APC: variants seen among roughly 807,000 people sequenced by gnomAD.
APC encodes adenomatous polyposis coli protein.
A neutral mutation model predicts 247.0 loss-of-function variants in APC; 72 were observed. That is an observed-to-expected ratio of 0.29 (90% CI 0.24 to 0.35). The LOEUF is 0.35. APC is among the 10% of genes least tolerant of loss of function. The pLI is 1.00. For synonymous variants in APC, 1,254 were observed against 1,162.5 expected (o/e 1.08, Z -1.60); for missense variants, 3,400 against 3,360.7 (o/e 1.01, Z -0.29).
intron 1 of APC, among the ~76,000 whole-genome samples, chr5:112,727,400 C>A (rs1401797972): frequency 6.6e-6 from 1 of 152,170 alleles, no homozygotes; most frequent in Admixed American, 6.5e-5. Flanking sequence ...TATATTTTCT[C>A]TTTCAAGGTA....
chr5:112,833,429 C>T (rs1326126195), intron 14 of APC, among the ~76,000 whole-genome samples: 1 of 151,712 alleles, frequency 6.6e-6, no homozygotes, highest in Non-Finnish European at 1.5e-5. Flanking sequence ...GATCCGTGCA[C>T]CTTGGCCCCT....
chr5:112,763,270 C>T (rs538878695), intron 2 of APC, among the ~76,000 whole-genome samples: 1 of 151,710 alleles, frequency 6.6e-6, no homozygotes, highest in South Asian at 2.1e-4. Flanking sequence ...ATCCCATCAC[C>T]AGAGGTAAAA....
chr5:112,793,340 C>G (rs959512398), intron 7 of APC, among the ~76,000 whole-genome samples: 2 of 152,032 alleles, frequency 1.3e-5, no homozygotes, highest in African/African-American at 2.4e-5. Context: ...TGCTGAAACC[C>G]CCACTGGCAT....
chr5:112,730,204 A>G (rs1561411852), intron 1 of APC, among the ~76,000 whole-genome samples: 2 of 152,252 alleles, frequency 1.3e-5, no homozygotes, highest in East Asian at 3.8e-4. Context: ...TATTCTGATT[A>G]TAATAAATCC....
intron 1 of APC, among the ~76,000 whole-genome samples, chr5:112,722,360 A>G (rs1031395329): frequency 6.6e-6 from 1 of 152,244 alleles, no homozygotes; most frequent in Non-Finnish European, 1.5e-5. Context: ...ATAGTAAAAG[A>G]CATCTGTGTC....
chr5:112,801,722 C>G (rs903843147), intron 8 of APC, among the ~76,000 whole-genome samples: 1 of 151,682 alleles, frequency 6.6e-6, no homozygotes, highest in Non-Finnish European at 1.5e-5. Context: ...TAGGTTTGCT[C>G]TTTCACTAAG....
At position 112,839,247 on chromosome 5, in the gene APC, C is replaced by T. The variant is rs377640390; in HGVS notation, c.3653C>T (p.Thr1218Met). 4.8e-5 allele frequency: 78 copies of T among 1,613,998 alleles called. 1 individual carries two copies. The highest frequency in any genetic ancestry group is 1.6e-4 in the Middle Eastern group (1 of 6,084). Residue 1218 changes from threonine to methionine, a missense_variant, in exon 16 of 16, where the codon ACG becomes ATG. This residue lies in a region of APC where 715 missense variants were observed against 656.6 expected (regional missense o/e 1.09). Coordinates refer to ENST00000257430, the MANE Select transcript of APC (RefSeq NM_000038.6). The surrounding 1 kb of genome is among the most constrained non-coding windows in gnomAD (Gnocchi z 5.0). ...CATATGTCTTCAAGCAGTGAGAATACGTCCACACCTTCATCTAATGCCAAG... is the reference window on the plus strand; with the variant it reads ...CATATGTCTTCAAGCAGTGAGAATATGTCCACACCTTCATCTAATGCCAAG... ...TEHMSSSSEN[T>M]STPSSNAKRQ... is the part of the protein sequence containing the mutation.
chr5:112,761,175 ACT>A (rs1755626586), intron 2 of APC, among the ~76,000 whole-genome samples: 1 of 152,076 alleles, frequency 6.6e-6, no homozygotes, highest in Admixed American at 6.6e-5. Context: ...GAAAAGGCAG[ACT>A]CTCTAGAGGA....
intron 8 of APC, among the ~76,000 whole-genome samples, chr5:112,805,793 C>T (rs1356653688): frequency 6.6e-6 from 1 of 152,192 alleles, no homozygotes; most frequent in East Asian, 1.9e-4. Context: ...CATGCTCTGC[C>T]AAAGTTCTGT....
intron 4 of APC, among the ~76,000 whole-genome samples, chr5:112,772,516 CTT>C (rs35444319): frequency 3.8e-4 from 53 of 138,238 alleles, no homozygotes; most frequent in Admixed American, 5.9e-4. Flanking sequence ...ATGCCCAGCT[CTT>C]TTTTTTTTTT....
At position 112,838,086 on chromosome 5, in the gene APC, T is replaced by C. The variant is rs878853427; in HGVS notation, c.2492T>C (p.Leu831Ser). The change falls in exon 16 of 16, where the codon TTA becomes TCA. Residue 831 changes from leucine to serine, a missense_variant. Leu to Ser is a moderately radical substitution (Grantham distance 145). This residue lies in a region of APC where 715 missense variants were observed against 656.6 expected (regional missense o/e 1.09). Transcript: ENST00000257430. Reference protein sequence around the residue: ...VLSPYLNTTVLPSSSSSRGSL... With the variant: ...VLSPYLNTTVSPSSSSSRGSL... ...TCACCATATTTGAATACTACAGTGT[T>C]ACCCAGCTCCTCTTCATCAAGAGGA... 3 of 1,614,224 alleles carry C rather than the reference T, an allele frequency of 1.9e-6. No individual in the cohort carries two copies. Among genetic ancestry groups the C allele is most frequent in the Non-Finnish European group, 2.5e-6 (3 of 1,180,044 alleles).
chr5:112,816,229 A>G (rs1052718803), intron 9 of APC, among the ~76,000 whole-genome samples: 35 of 152,312 alleles, frequency 2.3e-4, no homozygotes, highest in African/African-American at 7.7e-4. Flanking sequence ...CTGATTCCCA[A>G]GGTCCTCTTA....
chr5:112,780,692 C>A, intron 5 of APC, 98 bp from the exon 6 acceptor site: 1 of 834,614 alleles, frequency 1.2e-6, no homozygotes, highest in Non-Finnish European at 2.0e-6. Context: ...GACGTATTTG[C>A]TTATTCATTT....
At chr5:112,801,463 T>A in intron 8 of APC, 80 bp downstream of exon 8, 1 of 1,061,684 alleles carries the variant, frequency 9.4e-7, no homozygotes, top group Non-Finnish European at 1.4e-6. Context: ...CTAAGAATGA[T>A]CTATAAATCT....
intron 7 of APC, among the ~76,000 whole-genome samples, chr5:112,792,854 A>G (rs1759784680): frequency 6.6e-6 from 1 of 152,164 alleles, no homozygotes; most frequent in African/African-American, 2.4e-5. Context: ...GTAAGAATTG[A>G]TAATACACAT....
rs755662904 is a variant in APC at position 112,818,915 on chromosome 5, C to G, written c.934-51C>G. 3.4e-6 allele frequency: 5 copies of G among 1,481,050 alleles called. No individual in the cohort carries two copies. The African/African-American group carries it at 7.2e-5, about 21-fold the overall frequency. The allele number at this position is 1,481,050 out of a possible 1,614,324, so 91.7% of individuals were successfully genotyped here. ...CATTCATCACTTAATTGGTTTTTGG[C>G]TTTTGGATATTAAAGTCGTAATTTT... On this transcript the variant is annotated intron_variant, in intron 9 of 15. Coordinates refer to ENST00000257430, the MANE Select transcript of APC (RefSeq NM_000038.6).
chr5:112,821,014 C>A (rs1470999051), intron 10 of APC, among the ~76,000 whole-genome samples: 1 of 151,772 alleles, frequency 6.6e-6, no homozygotes, highest in Non-Finnish European at 1.5e-5. Flanking sequence ...CAAGCATGTG[C>A]CACCACAACT....
chr5:112,716,172 G>A (rs1303098287), intron 1 of APC, among the ~76,000 whole-genome samples: 1 of 151,922 alleles, frequency 6.6e-6, no homozygotes, highest in Non-Finnish European at 1.5e-5. Flanking sequence ...TGAATTTTCA[G>A]CATTTCTTGT....
In APC at chr5:112,737,910, C is replaced by T. The variant is rs1752508636; in HGVS notation, c.-34C>T. On this transcript the variant is annotated 5_prime_UTR_variant, in exon 1 of 16. Coordinates refer to ENST00000257430, the MANE Select transcript of APC (RefSeq NM_000038.6). ...ACTGGAGACAGAATGGAGGTGCTGC[C>T]GGACTCGGAAATGGGGTAGGTGCTG... The T allele has an allele frequency of 3.0e-6, 3 of 985,530 alleles. No individual in the cohort carries two copies. In the African/African-American group the frequency reaches 5.2e-5, roughly 17 times the overall value. The allele number at this position is 985,530 out of a possible 1,614,324, so 61.0% of individuals were successfully genotyped here.
Sources: gnomAD v4.1 joint callset for allele counts (sites outside exome capture counted in the v4.1 genomes callset) on GRCh38, gnomAD v4.1.1 for gene constraint, gnomAD v4.1.1 regional missense constraint, Gnocchi (gnomAD v3.1) non-coding constraint, MANE v1.5 for transcripts, NCBI Gene and HGNC (gene_info 2026-07-23, HGNC 2026-07-21) for gene names.